The following FILIP1L variants were observed in gnomAD, a reference collection of about 807,000 sequenced individuals.
FILIP1L encodes filamin A-interacting protein 1-like.
FILIP1L carries 55 observed loss-of-function variants against 96.6 expected under a neutral mutation model. The observed-to-expected ratio is 0.57, with a 90% confidence interval of 0.46 to 0.71. The LOEUF is 0.71. Among genes scored for constraint, FILIP1L ranks in the 30% least tolerant of loss-of-function variants. The pLI, the probability that FILIP1L is intolerant of heterozygous loss-of-function variation, is 0.00. For synonymous variants in FILIP1L, 467 were observed against 473.9 expected, an observed-to-expected ratio of 0.99 and a Z score of 0.19; for missense variants, 1,304 against 1,321.2, an observed-to-expected ratio of 0.99 and a Z score of 0.20.
At chr3:100,054,529 T>TATGTC (rs1553709711) in intron 1 of FILIP1L, among the ~76,000 whole-genome samples, 3 of 151,592 alleles carry the variant, frequency 2.0e-5, no homozygotes, top group Non-Finnish European at 4.4e-5. Flanking sequence ...TATGTTATGT[T>TATGTC]ATGTTATGTT....
At chr3:99,920,684 G>C (rs1422295023) in intron 4 of FILIP1L, among the ~76,000 whole-genome samples, 1 of 151,998 alleles carries the variant, frequency 6.6e-6, no homozygotes, top group African/African-American at 2.4e-5. Context: ...CAGTGGGAAA[G>C]CCAATTGCTT....
chr3:99,850,298 G>T lies in FILIP1L; in HGVS notation c.1378C>A (p.Gln460Lys), dbSNP rs1943609417. ...CTTACTTTTAAACTCTCCAGTTCTT[G>T]AGACAACTGCTTTGTGGTCATCCTT... ...KERMTTKQLSQELESLKVRIK... is the reference protein window; with the variant it reads ...KERMTTKQLSKELESLKVRIK... The change falls in exon 5 of 6, where the codon CAA becomes AAA. Residue 460 changes from glutamine (Q) to lysine (K), a missense_variant. Coordinates refer to ENST00000477258, the MANE Select transcript of FILIP1L (RefSeq NM_001387850.1). 1.9e-6 allele frequency: 3 copies of T among 1,613,674 alleles called. No individual in the cohort carries two copies. Among genetic ancestry groups the T allele is most frequent in the Non-Finnish European group, 2.5e-6 (3 of 1,179,986 alleles).
chr3:99,987,528 CAAAAAAAAAAA>C (rs1209242716), intron 1 of FILIP1L, among the ~76,000 whole-genome samples: 1 of 57,164 alleles, frequency 1.7e-5, no homozygotes, highest in Admixed American at 2.0e-4. Flanking sequence ...GATTCTGTCT[CAAAAAAAAAAA>C]AAAAAAAGAA....
intron 4 of FILIP1L, among the ~76,000 whole-genome samples, chr3:99,865,726 C>A (rs894022078): frequency 6.6e-6 from 1 of 151,856 alleles, no homozygotes; most frequent in African/African-American, 2.4e-5. Context: ...GCAGCCATTT[C>A]TCTGACAGAC....
At position 100,093,665 on chromosome 3, in the gene FILIP1L, C is replaced by A. The variant is rs375204318; in HGVS notation, c.-11+20388G>T. Reference sequence around the variant, plus strand: ...AAAACATTTCTGTCACCACAAGGATCCCTCATGTTCACCTTTTATAGCCAC... The same window carrying A: ...AAAACATTTCTGTCACCACAAGGATACCTCATGTTCACCTTTTATAGCCAC... On this transcript the variant is annotated intron_variant, in intron 1 of 5. Transcript: ENST00000477258. 2.2e-4 allele frequency among the ~76,000 whole-genome samples: 33 copies of A among 152,220 alleles called. 1 individual carries two copies. In the East Asian group the frequency reaches 2.9e-3, roughly 13 times the overall value.
intron 1 of FILIP1L, among the ~76,000 whole-genome samples, chr3:99,948,412 C>T (rs533547655): frequency 4.6e-5 from 7 of 151,758 alleles, no homozygotes; most frequent in African/African-American, 1.7e-4. Flanking sequence ...GTGATGCACA[C>T]CTGTAGTCCC....
chr3:100,053,489 C>G (rs540182836), intron 1 of FILIP1L, among the ~76,000 whole-genome samples: 69 of 152,304 alleles, frequency 4.5e-4, no homozygotes, highest in Admixed American at 1.8e-3. Context: ...AAATTTCTGT[C>G]TTCTCATGAG....
chr3:99,922,379 T>C (rs1707152161), intron 4 of FILIP1L, among the ~76,000 whole-genome samples: 1 of 152,208 alleles, frequency 6.6e-6, no homozygotes, highest in Non-Finnish European at 1.5e-5. Context: ...TCCTTTAATC[T>C]GTCCCTGTAG....
chr3:100,057,194 C>T (rs1251196084), intron 1 of FILIP1L, among the ~76,000 whole-genome samples: 1 of 152,114 alleles, frequency 6.6e-6, no homozygotes, highest in African/African-American at 2.4e-5. Flanking sequence ...CTTCTCTGCC[C>T]CTCCAGTGGA....
intron 1 of FILIP1L, among the ~76,000 whole-genome samples, chr3:99,970,365 G>C (rs752087485): frequency 4.9e-4 from 74 of 152,330 alleles, no homozygotes; most frequent in Non-Finnish European, 7.2e-4. Context: ...AGGTGGATGA[G>C]ACCAAACTCC....
intron 1 of FILIP1L, among the ~76,000 whole-genome samples, chr3:100,087,474 C>T (rs559894405): frequency 6.6e-6 from 1 of 152,224 alleles, no homozygotes; most frequent in East Asian, 1.9e-4. Context: ...TTTGTATTTC[C>T]ACAATGACTA....
intron 4 of FILIP1L, among the ~76,000 whole-genome samples, chr3:99,872,917 CT>C (rs74418095): frequency 2.3e-3 from 335 of 142,996 alleles, no homozygotes; most frequent in Middle Eastern, 3.5e-3. Flanking sequence ...AATCTCAAGT[CT>C]TTTTTTTTTT....
At chr3:99,924,817 C>T (rs1258948022) in intron 3 of FILIP1L, among the ~76,000 whole-genome samples, 2 of 152,096 alleles carry the variant, frequency 1.3e-5, no homozygotes, top group Admixed American at 6.6e-5. Context: ...CCACGGCGCC[C>T]GGCCAGCAGT....
At chr3:99,910,256 A>G (rs1706749105) in intron 4 of FILIP1L, among the ~76,000 whole-genome samples, 1 of 136,818 alleles carries the variant, frequency 7.3e-6, no homozygotes, top group African/African-American at 2.5e-5. Context: ...AACTTCATCC[A>G]GTGAGTATGT....
Position 100,013,274 on chromosome 3 carries a change from T to C in FILIP1L, c.-10-82244A>G, listed in dbSNP as rs186406207. ...GTTGTTGTTGTTTGAGATGGAGTCT[T>C]GCTCTGTCACCCAGGCTGGAGTGCA... On this transcript the variant is annotated intron_variant, in intron 1 of 5. Coordinates refer to ENST00000477258, the MANE Select transcript of FILIP1L (RefSeq NM_001387850.1). 1.9e-3 allele frequency among the ~76,000 whole-genome samples: 287 copies of C among 151,316 alleles called. 2 individuals are homozygous for C. The highest frequency in any genetic ancestry group is 3.7e-3 in the Admixed American group (56 of 15,176).
chr3:99,984,048 A>ATATGTGTGTGTGTGTGTGTGTGTG (rs1709254506), intron 1 of FILIP1L, among the ~76,000 whole-genome samples: 1 of 147,582 alleles, frequency 6.8e-6, no homozygotes, highest in Non-Finnish European at 1.5e-5. Flanking sequence ...AAGGATGTAT[A>ATATGTGTGTGTGTGTGTGTGTGTG]TGTATGTGTG....
intron 4 of FILIP1L, among the ~76,000 whole-genome samples, chr3:99,878,248 A>G (rs1424151603): frequency 6.6e-6 from 1 of 152,134 alleles, no homozygotes; most frequent in Admixed American, 6.6e-5. Flanking sequence ...AATAGCCCTC[A>G]TTTGTTGAGC....
At chr3:99,844,336 CTG>C (rs1191027492) in intron 5 of FILIP1L, among the ~76,000 whole-genome samples, 1 of 152,146 alleles carries the variant, frequency 6.6e-6, no homozygotes, top group East Asian at 1.9e-4. Context: ...GGATTTTACT[CTG>C]AGATACGCTG....
intron 1 of FILIP1L, among the ~76,000 whole-genome samples, chr3:100,102,173 C>A (rs2066319896): frequency 6.6e-6 from 1 of 152,154 alleles, no homozygotes; most frequent in South Asian, 2.1e-4. Flanking sequence ...ATTTCTAGTT[C>A]TAGATCCCTG....
Sources: gnomAD v4.1 joint callset for allele counts (sites outside exome capture counted in the v4.1 genomes callset) on GRCh38, gnomAD v4.1.1 for gene constraint, MANE v1.5 for transcripts, NCBI Gene and HGNC (gene_info 2026-07-23, HGNC 2026-07-21) for gene names.